The following EPB41 variants were observed in gnomAD, a reference collection of about 807,000 sequenced individuals.
EPB41 encodes erythrocyte membrane protein band 4.1, also known as protein 4.1.
A neutral mutation model predicts 108.0 loss-of-function variants in EPB41; 65 were observed. That is an observed-to-expected ratio of 0.60 (90% confidence interval 0.49 to 0.74). EPB41 has a LOEUF of 0.74. Among genes scored for constraint, EPB41 ranks in the 30% least tolerant of loss-of-function variants. The pLI, the probability that EPB41 is intolerant of heterozygous loss-of-function variation, is 0.00. For missense variants in EPB41, 875 were observed against 1,037.0 expected, an observed-to-expected ratio of 0.84 and a Z score of 2.15; for synonymous variants, 336 against 358.9, an observed-to-expected ratio of 0.94 and a Z score of 0.72.
At chr1:28,953,024 C>T (rs952750667) in intron 1 of EPB41, among the ~76,000 whole-genome samples, 16 of 152,070 alleles carry the variant, frequency 1.1e-4, no homozygotes, top group South Asian at 1.0e-3. Flanking sequence ...CCACTGCGCC[C>T]GGCCCAAATA....
At chr1:29,006,744 A>G (rs1359749561) in intron 4 of EPB41, among the ~76,000 whole-genome samples, 1 of 151,876 alleles carries the variant, frequency 6.6e-6, no homozygotes, top group East Asian at 1.9e-4. Flanking sequence ...CTACAAATAC[A>G]AAAAAATTAG....
chr1:28,980,114 C>CT (rs2149419902), intron 1 of EPB41, among the ~76,000 whole-genome samples: 1 of 152,224 alleles, frequency 6.6e-6, no homozygotes, highest in Admixed American at 6.5e-5. Context: ...GGGAAGATCA[C>CT]TTGAGCCTAG....
rs759443710 is a variant in EPB41, at chr1:29,033,116, C to T, written c.1236C>T (p.Ile412=). The T allele has an allele frequency of 1.2e-6, 2 of 1,613,840 alleles. No homozygotes were observed. Among genetic ancestry groups the T allele is most frequent in the South Asian group, 2.2e-5 (2 of 91,066 alleles). Residue 412 remains isoleucine, a synonymous_variant, in exon 9 of 21, where the codon ATC becomes ATT. Transcript: ENST00000343067. ...KAKDLEGVDI[I]LGVCSSGLLV... is the part of the protein sequence containing the mutation. ...AGGACTTGGAAGGAGTAGATATCATCCTAGGTGTCTGCTCTAGTGGCCTTC... is the reference window on the plus strand; with the variant it reads ...AGGACTTGGAAGGAGTAGATATCATTCTAGGTGTCTGCTCTAGTGGCCTTC...
chr1:29,111,222 A>G (rs968087112), intron 18 of EPB41, among the ~76,000 whole-genome samples: 3 of 152,112 alleles, frequency 2.0e-5, no homozygotes, highest in Non-Finnish European at 4.4e-5. Context: ...ATCAGTATCC[A>G]GTCTCTAAAA....
intron 11 of EPB41, among the ~76,000 whole-genome samples, chr1:29,042,534 A>C (rs1641906332): frequency 6.6e-6 from 1 of 151,956 alleles, no homozygotes; most frequent in Admixed American, 6.6e-5. Context: ...GCTGGAGTGC[A>C]GTGGCACAGT....
At chr1:28,959,634 T>TA (rs2095117339) in intron 1 of EPB41, among the ~76,000 whole-genome samples, 1 of 152,200 alleles carries the variant, frequency 6.6e-6, no homozygotes, top group South Asian at 2.1e-4. Context: ...AGGTTATTTA[T>TA]AGTCGAGTGA....
At chr1:29,090,472 C>T (rs983654409) in intron 16 of EPB41, among the ~76,000 whole-genome samples, 3 of 151,948 alleles carry the variant, frequency 2.0e-5, no homozygotes, top group East Asian at 2.0e-4. Flanking sequence ...ACGGAGGGGC[C>T]GGATGTGGTG....
At chr1:28,998,908 C>A (rs1449843103) in intron 4 of EPB41, among the ~76,000 whole-genome samples, 1 of 152,068 alleles carries the variant, frequency 6.6e-6, no homozygotes, top group African/African-American at 2.4e-5. Context: ...CACTTTCTGC[C>A]CCATAAATAT....
intron 14 of EPB41, 29 bp downstream of exon 14, chr1:29,058,881 A>G: frequency 6.5e-7 from 1 of 1,538,484 alleles, no homozygotes; most frequent in East Asian, 2.4e-5. Context: ...TCACAAAACT[A>G]CATTGCCATT....
At chr1:29,038,892 A>G (rs980809986) in intron 10 of EPB41, among the ~76,000 whole-genome samples, 4 of 152,202 alleles carry the variant, frequency 2.6e-5, no homozygotes, top group Admixed American at 6.5e-5. Context: ...TTACTGCCCA[A>G]TGTCCTAACA....
chr1:28,914,852 G>C (rs1485985761), intron 1 of EPB41, 84 bp downstream of exon 1: 1 of 152,594 alleles, frequency 6.6e-6, no homozygotes, highest in African/African-American at 2.4e-5. Flanking sequence ...GGCGGCCGCG[G>C]CGGCGCTGCA....
chr1:29,037,534 T>C lies in EPB41; in HGVS notation c.1463+1611T>C, dbSNP rs184201116. 3.0e-4 allele frequency among the ~76,000 whole-genome samples: 45 copies of C among 152,206 alleles called. 1 individual carries two copies. Among genetic ancestry groups the C allele is most frequent in the Middle Eastern group, 3.5e-3 (1 of 288 alleles). On this transcript the variant is annotated intron_variant, in intron 10 of 20. Coordinates refer to ENST00000343067, the MANE Select transcript of EPB41 (RefSeq NM_001376013.1). ...CCAGTCTAGTAGAGAAGACAGACCTTAGACAAGTAATTACTTGTATTGAAA... is the reference window on the plus strand; with the variant it reads ...CCAGTCTAGTAGAGAAGACAGACCTCAGACAAGTAATTACTTGTATTGAAA...
Position 29,018,191 on chromosome 1 carries a change from T to G in EPB41, c.906-33T>G. 6.3e-7 allele frequency: 1 copy of G among 1,590,578 alleles called. No homozygotes were observed. Among genetic ancestry groups the G allele is most frequent in the Non-Finnish European group, 8.6e-7 (1 of 1,158,978 alleles). ...TCTCTTTATATTTTGTTGTTGTTGT[T>G]GCTGACATAACATTTTTCTCTTTTG... On this transcript the variant is annotated intron_variant, in intron 6 of 20. Transcript: ENST00000343067. The surrounding 1 kb of genome is among the most constrained non-coding windows in gnomAD (Gnocchi z 4.4).
chr1:28,931,736 G>A (rs2093759211), intron 1 of EPB41, among the ~76,000 whole-genome samples: 1 of 151,468 alleles, frequency 6.6e-6, no homozygotes, highest in Non-Finnish European at 1.5e-5. Context: ...GGGTTTCACT[G>A]TGTTAGCCAG....
intron 4 of EPB41, among the ~76,000 whole-genome samples, chr1:29,004,182 A>AT (rs1484901881): frequency 6.6e-6 from 1 of 152,150 alleles, no homozygotes; most frequent in Admixed American, 6.5e-5. Flanking sequence ...TGGATCAAGG[A>AT]TTTTTTCCTT....
chr1:28,903,322 C>CT (rs1469847584), intron 1 of EPB41, among the ~76,000 whole-genome samples: 11,515 of 143,676 alleles, frequency 0.08, 587 homozygotes, highest in African/African-American at 0.14. Context: ...TTTTTCTTTT[C>CT]TTTCTTTTTT....
At chr1:28,957,560 A>G (rs1327212212) in intron 1 of EPB41, among the ~76,000 whole-genome samples, 5 of 152,072 alleles carry the variant, frequency 3.3e-5, no homozygotes, top group Non-Finnish European at 7.4e-5. Flanking sequence ...GCATGCCACC[A>G]CACCCAGCCA....
At chr1:28,936,198 T>A (rs922308241) in intron 1 of EPB41, among the ~76,000 whole-genome samples, 4 of 152,170 alleles carry the variant, frequency 2.6e-5, no homozygotes, top group Non-Finnish European at 2.9e-5. Flanking sequence ...TAGTCAAAAT[T>A]AGAAGCACAA....
At chr1:28,959,878 C>T (rs528192953) in intron 1 of EPB41, among the ~76,000 whole-genome samples, 18 of 151,540 alleles carry the variant, frequency 1.2e-4, no homozygotes, top group African/African-American at 2.4e-4. Flanking sequence ...GTTTTCACCA[C>T]GTTTGCCAAG....
Sources: allele counts gnomAD v4.1 joint callset (sites outside exome capture counted in the v4.1 genomes callset), GRCh38; gene constraint gnomAD v4.1.1; non-coding constraint Gnocchi (gnomAD v3.1); transcripts MANE v1.5; gene names NCBI Gene and HGNC (gene_info 2026-07-23, HGNC 2026-07-21).